Variants in UBA52 observed in about 807,000 individuals in gnomAD.
UBA52 encodes the protein ubiquitin A-52 residue ribosomal protein fusion product 1.
In UBA52, 1 loss-of-function variant was observed where a neutral mutation model predicts 15.3. That is an observed-to-expected ratio of 0.07 (90% CI 0.02 to 0.31). UBA52 has a LOEUF of 0.31. Ranked by LOEUF, UBA52 falls within the 10% of genes least tolerant of loss-of-function variation. UBA52 has a pLI of 1.00. For synonymous variants in UBA52, 50 were observed against 58.3 expected (o/e 0.86, Z 0.65); for missense variants, 87 against 168.0 (o/e 0.52, Z 2.66).
upstream of UBA52, among the ~76,000 whole-genome samples, chr19:18,567,737 A>T (rs1234659269): frequency 6.6e-6 from 1 of 152,172 alleles, no homozygotes; most frequent in Non-Finnish European, 1.5e-5. Flanking sequence ...GCCTGGGTTC[A>T]CACCATCTGT....
upstream of UBA52, chr19:18,568,648 C>T (rs1317784019): frequency 3.8e-6 from 6 of 1,586,632 alleles, no homozygotes; most frequent in Non-Finnish European, 5.2e-6. Context: ...TGCCCGGTGC[C>T]TTGAGGGGGT....
At chr19:18,564,977 A>T in the UBA52 span, 2 of 1,611,142 alleles carry the variant, frequency 1.2e-6, no homozygotes, top group East Asian at 4.5e-5. Flanking sequence ...CGAGGACCCT[A>T]GTAGAGATGA....
intron 2 of UBA52, 44 bp downstream of exon 2, chr19:18,573,447 T>G (rs1347473983): frequency 2.0e-6 from 3 of 1,531,932 alleles, no homozygotes; most frequent in Admixed American, 1.7e-5. Flanking sequence ...GAACTGGGAG[T>G]CCCTCTCTGC....
chr19:18,574,800 A>G, intron 3 of UBA52, 70 bp from the exon 4 acceptor site: 1 of 1,581,368 alleles, frequency 6.3e-7, no homozygotes, highest in South Asian at 1.1e-5. Context: ...TAGGCCCTGG[A>G]GGGTCCTGCC....
At chr19:18,565,832 C>A in the UBA52 span, among the ~76,000 whole-genome samples, 1 of 152,086 alleles carries the variant, frequency 6.6e-6, no homozygotes, top group South Asian at 2.1e-4. Context: ...GGACTACAGG[C>A]GCATGCTGCC....
chr19:18,569,811 A>G (rs566008524), upstream of UBA52, among the ~76,000 whole-genome samples: 15 of 152,080 alleles, frequency 9.9e-5, no homozygotes, highest in Non-Finnish European at 1.8e-4. Flanking sequence ...AGGTGGGTGG[A>G]TCACCTGAGG....
the UBA52 span, among the ~76,000 whole-genome samples, chr19:18,566,524 C>T: frequency 3.3e-5 from 5 of 151,544 alleles, no homozygotes; most frequent in Non-Finnish European, 1.5e-5. Context: ...GGCACAGTGG[C>T]TCATGCCTGT....
the UBA52 span, among the ~76,000 whole-genome samples, chr19:18,565,940 G>A: frequency 2.1e-3 from 323 of 152,218 alleles, 1 homozygote; most frequent in African/African-American, 7.3e-3. Flanking sequence ...TGCCTGCCTC[G>A]GCCTCCTAAA....
chr19:18,573,868 G>T, intron 3 of UBA52, 120 bp downstream of exon 3: 1 of 955,638 alleles, frequency 1.0e-6, no homozygotes, highest in South Asian at 1.6e-5. Flanking sequence ...TAAAATAATG[G>T]GACTGGGCAC....
At position 18,576,659 on chromosome 19, in the gene UBA52, C is replaced by T. The variant is rs994575500; in HGVS notation, c.*1509C>T. On this transcript the variant is annotated 3_prime_UTR_variant, in exon 5 of 5. Transcript: ENST00000442744. ...CTCCTGTTTAGTTTTGGTTTTTTAT[C>T]ACTTTTTTTTTTTTTTTTTGAGATG... The T allele has an allele frequency of 1.4e-5, 2 of 145,172 alleles. No individual in the cohort carries two copies. Among genetic ancestry groups the T allele is most frequent in the African/African-American group, 2.7e-5 (1 of 36,492 alleles). The allele number at this position is 145,172 out of a possible 1,614,324, so 9.0% of individuals were successfully genotyped here. A position where few individuals can be genotyped will look rare whatever the true frequency, so the allele number is the denominator to read the frequency against.
intron 3 of UBA52, among the ~76,000 whole-genome samples, chr19:18,574,120 C>T (rs1975652758): frequency 6.6e-6 from 1 of 150,966 alleles, no homozygotes; most frequent in Non-Finnish European, 1.5e-5. Context: ...CCCATCTCTA[C>T]TAAAAATACA....
At chr19:18,568,606 A>T, upstream of UBA52, 1 of 1,612,138 alleles carries the variant, frequency 6.2e-7, no homozygotes, top group Admixed American at 1.7e-5. Context: ...AGCCAGACAG[A>T]TGACGAGGAG....
At chr19:18,572,738 T>C in intron 1 of UBA52, 1 of 979,650 alleles carries the variant, frequency 1.0e-6, no homozygotes, top group Non-Finnish European at 1.2e-6. Flanking sequence ...AAGTGGGGTC[T>C]GGAGAGTTTT....
upstream of UBA52, among the ~76,000 whole-genome samples, chr19:18,567,889 C>T (rs780791553): frequency 6.6e-6 from 1 of 152,200 alleles, no homozygotes; most frequent in Non-Finnish European, 1.5e-5. Context: ...GGCCTAACCC[C>T]AGATCTTGTG....
upstream of UBA52, chr19:18,568,624 G>A (rs999807807): frequency 1.9e-6 from 3 of 1,609,104 alleles, no homozygotes; most frequent in African/African-American, 2.7e-5. Flanking sequence ...GAGATGACGG[G>A]CGAATAGCCC....
At position 18,575,016 on chromosome 19, in the gene UBA52, G is replaced by T. The variant is rs527438804; in HGVS notation, c.294-41G>T. ...TTGGGGGGCTGTGGGGGCTGCCGGA[G>T]TCGGGGTATGCCCTCACCCACCCCT... On this transcript the variant is annotated intron_variant, in intron 4 of 4. Transcript: ENST00000442744. 6 of 1,614,230 alleles carry T rather than the reference G, an allele frequency of 3.7e-6. No individual in the cohort carries two copies. In the African/African-American group the frequency reaches 5.3e-5, roughly 14 times the overall value.
upstream of UBA52, chr19:18,567,354 G>A (rs1975298227): frequency 1.5e-6 from 1 of 664,038 alleles, no homozygotes. Context: ...GTCAGCAGCT[G>A]GCAGAGTGGG....
the UBA52 span, chr19:18,565,116 T>G: frequency 6.5e-7 from 1 of 1,539,380 alleles, no homozygotes; most frequent in Non-Finnish European, 8.7e-7. Context: ...AAAGGGAGAT[T>G]TCTGTTTGTT....
At chr19:18,571,575 T>C (rs1173684625), upstream of UBA52, among the ~76,000 whole-genome samples, 1 of 152,254 alleles carries the variant, frequency 6.6e-6, no homozygotes, top group Non-Finnish European at 1.5e-5. Flanking sequence ...CGTTCAGCTA[T>C]TCGCTGAGGG....
Sources: allele counts gnomAD v4.1 joint callset (sites outside exome capture counted in the v4.1 genomes callset), GRCh38; gene constraint gnomAD v4.1.1; transcripts MANE v1.5; gene names NCBI Gene and HGNC (gene_info 2026-07-23, HGNC 2026-07-21).